Variants in SMUG1 observed in about 807,000 individuals in gnomAD.
SMUG1 encodes single-strand selective monofunctional uracil DNA glycosylase.
Under a neutral mutation model 23.9 loss-of-function variants are expected in SMUG1, and 13 were observed. That is an observed-to-expected ratio of 0.54 (90% CI 0.35 to 0.86). The LOEUF (loss-of-function observed/expected upper bound fraction) is 0.86. SMUG1 is among the 40% of genes least tolerant of loss of function. The probability of loss-of-function intolerance (pLI) is 0.01; values close to 1 mark genes in which losing one functional copy is unlikely to be tolerated. For missense variants in SMUG1, 313 were observed against 339.5 expected (o/e 0.92, Z 0.61); for synonymous variants, 133 against 139.8 (o/e 0.95, Z 0.34).
chr12:54,174,678 A>G (rs897264187), intron 2 of SMUG1, among the ~76,000 whole-genome samples: 1 of 152,236 alleles, frequency 6.6e-6, no homozygotes, highest in African/African-American at 2.4e-5. Context: ...GGAAATGGCA[A>G]CCTGGCTTGG....
At chr12:54,182,663 A>T (rs765345163) in intron 3 of SMUG1, 40 bp from the exon 4 acceptor site, 57 of 1,569,720 alleles carry the variant, frequency 3.6e-5, no homozygotes, top group Non-Finnish European at 4.7e-5. Flanking sequence ...TTCAAACTGG[A>T]GACCTGAGGC....
At chr12:54,162,322 G>T (rs564634724), downstream of SMUG1, 3 of 152,322 alleles carry the variant, frequency 2.0e-5, no homozygotes, top group South Asian at 6.2e-4. Context: ...CACTTTTAGG[G>T]AGTACCTTTA....
chr12:54,181,204 G>T lies in SMUG1; in HGVS notation c.*892C>A. The T allele has an allele frequency of 4.2e-6, 1 of 238,282 alleles. No homozygotes were observed. The highest frequency in any genetic ancestry group is 8.2e-6 in the Non-Finnish European group (1 of 122,346). The allele number at this position is 238,282 out of a possible 1,614,324, so 14.8% of individuals were successfully genotyped here. On this transcript the variant is annotated 3_prime_UTR_variant, in exon 4 of 4. Transcript: ENST00000682136. ...ACAGGCTAGTTTTTTCATAGTCATT[G>T]ATCCATCTCTGACATGGCAAGAATT...
downstream of SMUG1, among the ~76,000 whole-genome samples, chr12:54,176,508 C>CCCCCA (rs1565805453): frequency 1.1e-4 from 4 of 36,258 alleles, no homozygotes; most frequent in Non-Finnish European, 1.9e-4. Flanking sequence ...AAGATCCTGT[C>CCCCCA]CCCCCCCAAA....
intron 2 of SMUG1, 99 bp downstream of exon 2, chr12:54,187,720 G>A (rs896866751): frequency 3.3e-5 from 5 of 152,076 alleles, no homozygotes; most frequent in African/African-American, 9.7e-5. Context: ...GTTCTCTTGA[G>A]CAACTCATTT....
intron 1 of SMUG1, among the ~76,000 whole-genome samples, chr12:54,188,295 A>AATAATAATAAT (rs869289712): frequency 2.9e-5 from 2 of 68,894 alleles, no homozygotes; most frequent in African/African-American, 8.9e-5. Context: ...TAATAATAAT[A>AATAATAATAAT]AATAATAATA....
At chr12:54,183,425 G>A in intron 3 of SMUG1, 3 of 580,394 alleles carry the variant, frequency 5.2e-6, no homozygotes, top group Non-Finnish European at 6.2e-6. Flanking sequence ...GCAATTACTG[G>A]CCAGCTCACA....
At chr12:54,172,554 C>T (rs556763457) in intron 2 of SMUG1, 41 of 162,292 alleles carry the variant, frequency 2.5e-4, no homozygotes, top group African/African-American at 7.4e-4. Context: ...TTCAGGAGCT[C>T]AGGTGGGGGG....
At chr12:54,165,994 G>A (rs1387792346) in intron 3 of SMUG1, among the ~76,000 whole-genome samples, 1 of 152,244 alleles carries the variant, frequency 6.6e-6, no homozygotes, top group East Asian at 1.9e-4. Flanking sequence ...TGCCTGAAAT[G>A]TCCTGGTCAC....
At chr12:54,184,967 T>C (rs1941985135) in intron 2 of SMUG1, among the ~76,000 whole-genome samples, 1 of 152,064 alleles carries the variant, frequency 6.6e-6, no homozygotes, top group Non-Finnish European at 1.5e-5. Context: ...CGTTCAAAAC[T>C]GGCCTGGCCA....
chr12:54,167,186 C>A (rs903459558), intron 3 of SMUG1, among the ~76,000 whole-genome samples: 2 of 152,198 alleles, frequency 1.3e-5, no homozygotes, highest in African/African-American at 4.8e-5. Flanking sequence ...ATGTTACTAG[C>A]TCACCCACCA....
Position 54,173,871 on chromosome 12 carries a change from A to C in SMUG1, c.399-1762T>G, listed in dbSNP as rs527539764. Among the ~76,000 whole-genome samples the C allele has an allele frequency of 2.6e-4, 39 of 152,048 alleles. 1 individual carries two copies. The highest frequency in any genetic ancestry group is 9.7e-4 in the East Asian group (5 of 5,160). ...GAAAGACACGACAAGCCCCCCGAAG[A>C]TGCCCCAAACACAGAGGCTACACAA... is the stretch of plus-strand genomic sequence containing the variant. On this transcript the variant is annotated intron_variant and NMD_transcript_variant, in intron 2 of 4. Coordinates refer to the SMUG1 transcript ENST00000509864.
Position 54,182,069 on chromosome 12 carries a change from G to A in SMUG1, c.*27C>T, listed in dbSNP as rs111487283. The stretch of plus-strand genomic sequence containing the variant: ...CAAGAATGACTTCGAGGTCTTGAAT[G>A]TGTCCCATGCAAGGCCCCAAGGGCA... On this transcript the variant is annotated 3_prime_UTR_variant, in exon 4 of 4. Coordinates refer to ENST00000682136, the MANE Select transcript of SMUG1 (RefSeq NM_001243787.2). The A allele has an allele frequency of 1.0e-4, 156 of 1,517,896 alleles. No homozygotes were observed. The highest frequency in any genetic ancestry group is 5.6e-4 in the Admixed American group (25 of 44,752). 94.0% of individuals were successfully genotyped at this position (1,517,896 alleles called of 1,614,324 possible).
At chr12:54,178,200 A>G (rs1342765000), downstream of SMUG1, among the ~76,000 whole-genome samples, 2 of 152,114 alleles carry the variant, frequency 1.3e-5, no homozygotes, top group African/African-American at 4.8e-5. Flanking sequence ...CTGTTGTTTT[A>G]ATCCACCCAG....
At position 54,183,931 on chromosome 12, in the gene SMUG1, C is replaced by A. The variant is rs748261896; in HGVS notation, c.10G>T (p.Ala4Ser). MPQ[A>S]FLLGSIHEPA... ...TCATGGATGGACCCCAGCAGGAAAG[C>A]CTGGGGCATATGTCCATGCCGCTGT... Residue 4 changes from alanine to serine, a missense_variant, in exon 3 of 4, where the codon GCT becomes TCT. Ala to Ser is a moderately conservative substitution (Grantham distance 99, BLOSUM62 1). Coordinates refer to ENST00000682136, the MANE Select transcript of SMUG1 (RefSeq NM_001243787.2). The A allele has an allele frequency of 6.4e-7, 1 of 1,564,166 alleles. No homozygotes were observed. Among genetic ancestry groups the A allele is most frequent in the South Asian group, 1.2e-5 (1 of 85,390 alleles).
chr12:54,187,632 A>T (rs1942780535), intron 2 of SMUG1, among the ~76,000 whole-genome samples, 187 bp downstream of exon 2: 1 of 152,234 alleles, frequency 6.6e-6, no homozygotes, highest in Admixed American at 6.5e-5. Context: ...CCATAACTTC[A>T]AAGCCTGATC....
At chr12:54,174,513 C>T (rs769430734) in intron 2 of SMUG1, among the ~76,000 whole-genome samples, 3 of 152,164 alleles carry the variant, frequency 2.0e-5, no homozygotes, top group South Asian at 2.1e-4. Flanking sequence ...GACAGGAGAC[C>T]CTTTTTTGCT....
intron 3 of SMUG1, among the ~76,000 whole-genome samples, chr12:54,166,435 G>A (rs57015521): frequency 0.12 from 18,048 of 152,100 alleles, 1,188 homozygotes; most frequent in East Asian, 0.19. Flanking sequence ...AGTTGTCCCA[G>A]TGCTAGTCCC....
chr12:54,182,338 G>A lies in SMUG1; in HGVS notation c.571C>T (p.Leu191Phe). 6.2e-7 allele frequency: 1 copy of A among 1,614,172 alleles called. No homozygotes were observed. Among genetic ancestry groups the A allele is most frequent in the Admixed American group, 1.7e-5 (1 of 60,030 alleles). The change falls in exon 4 of 4, where the codon CTT (leucine) becomes TTT (phenylalanine). Residue 191 changes from leucine (L) to phenylalanine (F), a missense_variant. By Grantham distance (22) the Leu-to-Phe change is conservative. Transcript: ENST00000682136. ...ELPAKQREQL[L>F]GICDAALCRQ... is the part of the protein sequence containing the mutation. ...CAGAGGGCTGCATCACAGATCCCAA[G>A]AAGCTGTTCTCGCTGCTTGGCAGGC...
Sources: gnomAD v4.1 joint callset for allele counts (sites outside exome capture counted in the v4.1 genomes callset) on GRCh38, gnomAD v4.1.1 for gene constraint, MANE v1.5 for transcripts, NCBI Gene and HGNC (gene_info 2026-07-23, HGNC 2026-07-21) for gene names.